The following RBMS1 variants were observed in gnomAD, a reference collection of about 807,000 sequenced individuals.
RBMS1 encodes the protein RNA-binding motif, single-stranded-interacting protein 1.
A neutral mutation model predicts 62.3 loss-of-function variants in RBMS1; 17 were observed. That is an observed-to-expected ratio of 0.27 (90% confidence interval 0.19 to 0.41). RBMS1 has a LOEUF of 0.41. Among genes scored for constraint, RBMS1 ranks in the 10% least tolerant of loss-of-function variants. The probability of loss-of-function intolerance (pLI) is 1.00; values close to 1 mark genes in which losing one functional copy is unlikely to be tolerated. For synonymous variants in RBMS1, 172 were observed against 170.0 expected, an observed-to-expected ratio of 1.01 and a Z score of -0.09; for missense variants, 334 against 504.5, an observed-to-expected ratio of 0.66 and a Z score of 3.24.
At chr2:160,491,688 C>T (rs1685837171) in intron 1 of RBMS1, among the ~76,000 whole-genome samples, 1 of 152,156 alleles carries the variant, frequency 6.6e-6, no homozygotes, top group African/African-American at 2.4e-5. Flanking sequence ...ATAAGCTGTC[C>T]TTTAGGCACC....
chr2:160,441,840 T>A (rs1050794517), intron 1 of RBMS1, among the ~76,000 whole-genome samples: 1 of 152,262 alleles, frequency 6.6e-6, no homozygotes. Flanking sequence ...CCGTCTTTTT[T>A]ATGTTATCTA....
intron 1 of RBMS1, among the ~76,000 whole-genome samples, chr2:160,412,705 T>G (rs972858182): frequency 6.6e-6 from 1 of 152,190 alleles, no homozygotes; most frequent in South Asian, 2.1e-4. Context: ...AGATCAATAT[T>G]GGATATAACA....
chr2:160,443,061 C>T (rs1459729017), intron 1 of RBMS1, among the ~76,000 whole-genome samples: 2 of 151,902 alleles, frequency 1.3e-5, no homozygotes, highest in Non-Finnish European at 2.9e-5. Flanking sequence ...CAAAAATTAG[C>T]CGGGTGTGGT....
At chr2:160,460,833 A>T (rs1323460752) in intron 1 of RBMS1, among the ~76,000 whole-genome samples, 1 of 152,252 alleles carries the variant, frequency 6.6e-6, no homozygotes, top group Non-Finnish European at 1.5e-5. Flanking sequence ...TGTGAGAAAC[A>T]TCCGTGCCCT....
intron 1 of RBMS1, among the ~76,000 whole-genome samples, chr2:160,427,134 G>A (rs887827482): frequency 6.6e-6 from 1 of 152,166 alleles, no homozygotes; most frequent in African/African-American, 2.4e-5. Context: ...AAAGAAAACA[G>A]AAGATTCAGT....
intron 1 of RBMS1, among the ~76,000 whole-genome samples, chr2:160,482,091 T>C (rs1685395544): frequency 6.6e-6 from 1 of 152,198 alleles, no homozygotes; most frequent in East Asian, 1.9e-4. Context: ...TACATAAATT[T>C]TGATACAATA....
chr2:160,442,388 C>T (rs1683446289), intron 1 of RBMS1, among the ~76,000 whole-genome samples: 1 of 152,122 alleles, frequency 6.6e-6, no homozygotes, highest in African/African-American at 2.4e-5. Flanking sequence ...TACATTTGCC[C>T]ATAGTTTGGG....
intron 1 of RBMS1, among the ~76,000 whole-genome samples, chr2:160,405,613 T>C (rs1051756284): frequency 5.3e-5 from 8 of 152,210 alleles, no homozygotes; most frequent in Admixed American, 3.9e-4. Flanking sequence ...TACACATTCA[T>C]TTCTTTCTTT....
At chr2:160,420,172 C>G (rs762491691) in intron 1 of RBMS1, among the ~76,000 whole-genome samples, 2 of 152,182 alleles carry the variant, frequency 1.3e-5, no homozygotes, top group African/African-American at 4.8e-5. Context: ...AAAACTCCCA[C>G]ATCAAATGCA....
chr2:160,340,976 C>T (rs185656479), intron 2 of RBMS1, among the ~76,000 whole-genome samples: 2 of 152,266 alleles, frequency 1.3e-5, no homozygotes, highest in East Asian at 3.9e-4. Flanking sequence ...AGTTTACTCT[C>T]ATTTTCCCCA....
intron 1 of RBMS1, among the ~76,000 whole-genome samples, chr2:160,468,655 AG>A (rs146064332): frequency 0.083 from 12,710 of 152,270 alleles, 893 homozygotes; most frequent in Admixed American, 0.23. Context: ...GTATAGATTA[AG>A]TAGATATTAT....
intron 1 of RBMS1, among the ~76,000 whole-genome samples, chr2:160,379,124 C>T (rs1694150611): frequency 6.6e-6 from 1 of 151,952 alleles, no homozygotes; most frequent in African/African-American, 2.4e-5. Context: ...GTGGCTGTGG[C>T]CAGAGGATCA....
chr2:160,448,137 T>A (rs1683742864), intron 1 of RBMS1, among the ~76,000 whole-genome samples: 1 of 152,254 alleles, frequency 6.6e-6, no homozygotes, highest in Non-Finnish European at 1.5e-5. Context: ...CCTTTTATAA[T>A]ATTGTCTATT....
At chr2:160,431,424 T>A (rs1276743954) in intron 1 of RBMS1, among the ~76,000 whole-genome samples, 1 of 151,884 alleles carries the variant, frequency 6.6e-6, no homozygotes, top group African/African-American at 2.4e-5. Context: ...GCAGTCACAA[T>A]GCAAATGAGA....
intron 2 of RBMS1, among the ~76,000 whole-genome samples, chr2:160,364,077 G>A (rs1693269918): frequency 6.6e-6 from 1 of 152,186 alleles, no homozygotes; most frequent in Non-Finnish European, 1.5e-5. Flanking sequence ...GAGAAATATT[G>A]CATTGGCAAA....
At chr2:160,367,164 A>G (rs1693443886) in intron 2 of RBMS1, 52 bp downstream of exon 2, 7 of 1,548,556 alleles carry the variant, frequency 4.5e-6, no homozygotes, top group Admixed American at 1.7e-5. Flanking sequence ...ACTCTATAAT[A>G]TGATCAAGAA....
chr2:160,286,127 T>TA (rs1421663579), intron 7 of RBMS1, among the ~76,000 whole-genome samples: 1 of 150,800 alleles, frequency 6.6e-6, no homozygotes, highest in African/African-American at 2.4e-5. Flanking sequence ...AAAAAATAAA[T>TA]AAAAAAATAA....
At chr2:160,453,908 G>A (rs1684101737) in intron 1 of RBMS1, among the ~76,000 whole-genome samples, 1 of 152,154 alleles carries the variant, frequency 6.6e-6, no homozygotes, top group Non-Finnish European at 1.5e-5. Flanking sequence ...TATGCTAAGA[G>A]TGGCTTTCCA....
intron 2 of RBMS1, among the ~76,000 whole-genome samples, chr2:160,340,393 T>C (rs74543543): frequency 0.018 from 2,674 of 152,156 alleles, 84 homozygotes; most frequent in African/African-American, 0.06. Context: ...CTCAAAACAT[T>C]TTCCCAGGAG....
Sources: allele counts gnomAD v4.1 joint callset (sites outside exome capture counted in the v4.1 genomes callset), GRCh38; gene constraint gnomAD v4.1.1; transcripts MANE v1.5; gene names NCBI Gene and HGNC (gene_info 2026-07-23, HGNC 2026-07-21).